Variants in GATB observed in about 807,000 individuals in gnomAD.
GATB encodes the protein glutamyl-tRNA(Gln) amidotransferase subunit B, mitochondrial.
In GATB, 39 loss-of-function variants were observed where a neutral mutation model predicts 62.3. The ratio of observed to expected loss-of-function variants is 0.63; its 90% CI spans 0.48 to 0.82. The LOEUF is 0.82. Ranked by LOEUF, GATB falls within the 40% of genes least tolerant of loss-of-function variation. GATB has a pLI of 0.00. For synonymous variants in GATB, 276 were observed against 258.9 expected (o/e 1.07, Z -0.63); for missense variants, 670 against 684.0 (o/e 0.98, Z 0.23).
At chr4:151,693,018 G>A (rs1407080313) in intron 9 of GATB, among the ~76,000 whole-genome samples, 2 of 152,184 alleles carry the variant, frequency 1.3e-5, no homozygotes, top group African/African-American at 4.8e-5. Context: ...TCCCCTTTGC[G>A]GCGGGGGTGC....
chr4:151,746,973 T>G (rs1739614045), intron 2 of GATB, among the ~76,000 whole-genome samples: 1 of 152,284 alleles, frequency 6.6e-6, no homozygotes, highest in Non-Finnish European at 1.5e-5. Flanking sequence ...TTTAAAGCCA[T>G]GTGACACCAG....
intron 6 of GATB, among the ~76,000 whole-genome samples, chr4:151,706,843 T>A (rs1738725329): frequency 6.6e-6 from 1 of 152,212 alleles, no homozygotes; most frequent in African/African-American, 2.4e-5. Context: ...CTGTGCACCC[T>A]TGAAGGGGTG....
intron 2 of GATB, among the ~76,000 whole-genome samples, chr4:151,732,720 A>C (rs939244997): frequency 2.6e-5 from 4 of 151,632 alleles, no homozygotes; most frequent in African/African-American, 9.7e-5. Flanking sequence ...TCAATAAAAA[A>C]AAAAAAAAAA....
intron 11 of GATB, chr4:151,675,434 A>G (rs1737979391): frequency 6.6e-6 from 1 of 152,138 alleles, no homozygotes; most frequent in Admixed American, 6.5e-5. Context: ...TCCTTTGCTC[A>G]ATCCTATTTA....
intron 2 of GATB, among the ~76,000 whole-genome samples, chr4:151,744,768 C>T (rs985336241): frequency 1.3e-5 from 2 of 152,082 alleles, no homozygotes; most frequent in African/African-American, 4.8e-5. Flanking sequence ...TCAAATGCTT[C>T]CCACAGGGAG....
chr4:151,701,647 C>G lies in GATB; in HGVS notation c.1008-129G>C, dbSNP rs377280587. The G allele has an allele frequency of 9.9e-5, 65 of 654,560 alleles. No homozygotes were observed. The African/African-American group carries it at 1.1e-3, about 12-fold the overall frequency. The allele number at this position is 654,560 out of a possible 1,614,324, so 40.5% of individuals were successfully genotyped here. ...TTACTTGCAAATATTTTCAAATGTC[C>G]TATTACGTCAATTCTGTTTCCCAGG... On this transcript the variant is annotated intron_variant, in intron 8 of 12. Transcript: ENST00000263985.
intron 11 of GATB, chr4:151,673,150 C>T: frequency 2.4e-6 from 1 of 415,164 alleles, no homozygotes; most frequent in Non-Finnish European, 4.4e-6. Context: ...GGGTCTCCTC[C>T]TGAGGCTGAA....
chr4:151,716,121 A>G lies in GATB; in HGVS notation c.651T>C (p.Leu217=). The G allele has an allele frequency of 6.2e-7, 1 of 1,613,630 alleles. No individual in the cohort carries two copies. The highest frequency in any genetic ancestry group is 8.5e-7 in the Non-Finnish European group (1 of 1,179,824). The change falls in exon 5 of 13, where the codon CTT becomes CTC. Residue 217 remains leucine, a synonymous_variant. Transcript: ENST00000263985. ...TGTCGGGCTCCAGGACCACCTCCAG[A>G]AGGCCCACTCCTACCAAAGAGGGGC... is the stretch of plus-strand genomic sequence containing the variant. ...LIDLNRAGVG[L]LEVVLEPDMS... is the part of the protein sequence containing the mutation.
chr4:151,697,995 G>GTAT, intron 9 of GATB, among the ~76,000 whole-genome samples: 1 of 78,912 alleles, frequency 1.3e-5, no homozygotes, highest in African/African-American at 6.5e-5. Flanking sequence ...ATATATATAT[G>GTAT]AAATGAAGGC....
At chr4:151,750,248 G>A (rs1052049810) in intron 2 of GATB, among the ~76,000 whole-genome samples, 3 of 152,166 alleles carry the variant, frequency 2.0e-5, no homozygotes, top group Admixed American at 6.5e-5. Context: ...ATGAAAAGCA[G>A]CAGTTCCCCG....
chr4:151,748,323 C>T (rs1188997354), intron 2 of GATB, among the ~76,000 whole-genome samples: 8 of 152,094 alleles, frequency 5.3e-5, no homozygotes, highest in Non-Finnish European at 1.0e-4. Flanking sequence ...GAGATATAGA[C>T]CAATGGAACA....
intron 2 of GATB, among the ~76,000 whole-genome samples, chr4:151,726,933 T>C (rs566366967): frequency 6.6e-6 from 1 of 152,294 alleles, no homozygotes; most frequent in African/African-American, 2.4e-5. Context: ...TTTCTTCTTT[T>C]TGAGACAAGG....
chr4:151,724,811 T>G (rs769417327), intron 2 of GATB, among the ~76,000 whole-genome samples: 2 of 152,168 alleles, frequency 1.3e-5, no homozygotes, highest in Non-Finnish European at 2.9e-5. Flanking sequence ...CTGAGTTCCC[T>G]GAGGGCAATC....
At chr4:151,695,062 T>C (rs1042642574) in intron 9 of GATB, among the ~76,000 whole-genome samples, 4 of 152,198 alleles carry the variant, frequency 2.6e-5, no homozygotes, top group South Asian at 2.1e-4. Flanking sequence ...GACAAGCATA[T>C]GGCAGCCCAG....
At chr4:151,725,736 C>T (rs938265523) in intron 2 of GATB, among the ~76,000 whole-genome samples, 3 of 152,160 alleles carry the variant, frequency 2.0e-5, no homozygotes, top group Non-Finnish European at 4.4e-5. Context: ...TGTGAAATTC[C>T]ACTAATTACA....
At chr4:151,712,602 G>A (rs1028361166) in intron 5 of GATB, among the ~76,000 whole-genome samples, 3 of 152,084 alleles carry the variant, frequency 2.0e-5, no homozygotes, top group African/African-American at 7.2e-5. Flanking sequence ...GGTTTGTTAA[G>A]CTATCTCGTT....
At chr4:151,706,773 G>A (rs562597684) in intron 6 of GATB, among the ~76,000 whole-genome samples, 10 of 152,290 alleles carry the variant, frequency 6.6e-5, no homozygotes, top group Non-Finnish European at 1.3e-4. Flanking sequence ...CAAGACCAGG[G>A]CTCTATTAAA....
At chr4:151,747,633 A>C (rs4696109) in intron 2 of GATB, among the ~76,000 whole-genome samples, 88,983 of 152,096 alleles carry the variant, frequency 0.59, 28,404 homozygotes, top group African/African-American at 0.86. Flanking sequence ...AAATTCACAT[A>C]TGGACACATC....
chr4:151,741,935 G>T (rs925070373), intron 2 of GATB, among the ~76,000 whole-genome samples: 1 of 152,166 alleles, frequency 6.6e-6, no homozygotes, highest in Non-Finnish European at 1.5e-5. Context: ...CACATCTAGC[G>T]GGAATTTGGA....
Sources: allele counts gnomAD v4.1 joint callset (sites outside exome capture counted in the v4.1 genomes callset), GRCh38; gene constraint gnomAD v4.1.1; transcripts MANE v1.5; gene names NCBI Gene and HGNC (gene_info 2026-07-23, HGNC 2026-07-21).